Variants in COL4A4 observed in about 807,000 individuals in gnomAD.
The protein encoded by COL4A4 is collagen type IV alpha 4 chain.
Under a neutral mutation model 192.9 loss-of-function variants are expected in COL4A4, and 105 were observed. The observed-to-expected ratio is 0.54, with a 90% CI of 0.46 to 0.64. The LOEUF is 0.64. COL4A4 is among the 30% of genes least tolerant of loss of function. The pLI is 0.00. For synonymous variants in COL4A4, 762 were observed against 769.9 expected (o/e 0.99, Z 0.17); for missense variants, 1,967 against 2,169.3 (o/e 0.91, Z 1.85).
rs964220375 is a variant in COL4A4, at chr2:227,003,800, CAA to C, written c.*3523_*3524del. On this transcript the variant is annotated 3_prime_UTR_variant, in exon 48 of 48. Transcript: ENST00000396625. ...GAAGGGTCTTCTCAGTCGGATCTCTCAAATCTCATTTCTGAAATTTCTGTTTA... is the reference window on the plus strand; with the variant it reads ...GAAGGGTCTTCTCAGTCGGATCTCTCATCTCATTTCTGAAATTTCTGTTTA... The C allele has an allele frequency of 1.1e-4, 17 of 152,108 alleles. No individual in the cohort carries two copies. The highest frequency in any genetic ancestry group is 3.4e-4 in the African/African-American group (14 of 41,408). 9.4% of individuals were successfully genotyped at this position (152,108 alleles called of 1,614,324 possible).
chr2:227,001,270 A>ATTTT (rs1960897745), downstream of COL4A4, among the ~76,000 whole-genome samples: 1 of 151,612 alleles, frequency 6.6e-6, no homozygotes, highest in African/African-American at 2.4e-5. Context: ...AATTTTTTGT[A>ATTTT]TTTTTAGTAG....
At chr2:227,065,993 T>C (rs961052091) in intron 25 of COL4A4, among the ~76,000 whole-genome samples, 21 of 152,280 alleles carry the variant, frequency 1.4e-4, no homozygotes, top group South Asian at 4.1e-4. Context: ...TTTAGAAGAA[T>C]GTATAACTAT....
intron 1 of COL4A4, among the ~76,000 whole-genome samples, chr2:227,150,228 C>T (rs2063835857): frequency 6.6e-6 from 1 of 152,108 alleles, no homozygotes. Context: ...TGAGGGATAA[C>T]TGGCCTTGGG....
chr2:227,021,740 G>A (rs2149848629), intron 44 of COL4A4, among the ~76,000 whole-genome samples: 1 of 152,240 alleles, frequency 6.6e-6, no homozygotes, highest in African/African-American at 2.4e-5. Context: ...CAGGAGAATG[G>A]CGTGAACCTG....
Position 227,007,240 on chromosome 2 carries a change from A to G in COL4A4, c.*85T>C, listed in dbSNP as rs559304032. 2 of 1,579,954 alleles carry G rather than the reference A, an allele frequency of 1.3e-6. No individual in the cohort carries two copies. Among genetic ancestry groups the G allele is most frequent in the Admixed American group, 1.7e-5 (1 of 59,972 alleles). On this transcript the variant is annotated 3_prime_UTR_variant, in exon 48 of 48. Transcript: ENST00000396625. ...CACTGAAAGGGAGTCCAAAATGAGC[A>G]CCATGACATCTCTTAGCACAGTCTA...
chr2:226,982,517 C>T, the COL4A4 span, among the ~76,000 whole-genome samples: 38 of 152,208 alleles, frequency 2.5e-4, no homozygotes, highest in Admixed American at 2.0e-4. Context: ...AGATGTAATA[C>T]ATCTCATATC....
chr2:227,154,184 G>T (rs113728184), intron 1 of COL4A4, among the ~76,000 whole-genome samples: 2 of 152,102 alleles, frequency 1.3e-5, no homozygotes, highest in African/African-American at 4.8e-5. Flanking sequence ...ATTCCGTGAG[G>T]CTTTTTTCTC....
chr2:226,999,684 T>C (rs1390178046), downstream of COL4A4, among the ~76,000 whole-genome samples: 1 of 152,206 alleles, frequency 6.6e-6, no homozygotes, highest in African/African-American at 2.4e-5. Flanking sequence ...AATTTGGTCA[T>C]AATAGGTATT....
intron 25 of COL4A4, among the ~76,000 whole-genome samples, chr2:227,068,191 A>G (rs1315353085): frequency 1.3e-5 from 2 of 150,918 alleles, no homozygotes; most frequent in Non-Finnish European, 1.5e-5. Context: ...CTCTGAATAG[A>G]CCAATAACAG....
the COL4A4 span, among the ~76,000 whole-genome samples, chr2:226,989,483 C>T: frequency 6.6e-6 from 1 of 152,154 alleles, no homozygotes; most frequent in Non-Finnish European, 1.5e-5. Flanking sequence ...ATATTGGTCT[C>T]ACATGTCCAG....
In COL4A4 at chr2:227,033,473, C is replaced by T. The variant is rs1364773011; in HGVS notation, c.3514G>A (p.Gly1172Arg). 3.1e-6 allele frequency: 5 copies of T among 1,613,028 alleles called. No individual in the cohort carries two copies. The highest frequency in any genetic ancestry group is 4.2e-6 in the Non-Finnish European group (5 of 1,179,958). Reference sequence around the variant, plus strand: ...TGCAAGCCGTTCAGGCCAGGTGATCCGGAGGGACCTGAAAAACACCACAGG... The same window carrying T: ...TGCAAGCCGTTCAGGCCAGGTGATCTGGAGGGACCTGAAAAACACCACAGG... ...PGPPGIKGPS[G>R]SPGLNGLHGL... The change falls in exon 38 of 48, where the codon GGA becomes AGA. Residue 1172 changes from glycine to arginine, a missense_variant. By Grantham distance (125) the Gly-to-Arg change is moderately radical. Coordinates refer to ENST00000396625, the MANE Select transcript of COL4A4 (RefSeq NM_000092.5).
intron 44 of COL4A4, among the ~76,000 whole-genome samples, chr2:227,015,007 T>C (rs1964579836): frequency 6.6e-6 from 1 of 151,234 alleles, no homozygotes; most frequent in Non-Finnish European, 1.5e-5. Flanking sequence ...CAAGTGATTC[T>C]CCTGCCTCAG....
intron 25 of COL4A4, among the ~76,000 whole-genome samples, chr2:227,064,272 G>A (rs1264905664): frequency 6.6e-6 from 1 of 152,126 alleles, no homozygotes; most frequent in African/African-American, 2.4e-5. Context: ...ATTACAAAAT[G>A]CAGTGGAAAG....
At chr2:227,110,873 G>T (rs988367673) in intron 9 of COL4A4, among the ~76,000 whole-genome samples, 7 of 150,882 alleles carry the variant, frequency 4.6e-5, no homozygotes, top group Non-Finnish European at 1.0e-4. Context: ...GTAGATAGGG[G>T]CTTTCACCAT....
chr2:226,983,140 A>C, the COL4A4 span, among the ~76,000 whole-genome samples: 5 of 152,154 alleles, frequency 3.3e-5, no homozygotes, highest in African/African-American at 1.2e-4. Flanking sequence ...AGTTTCTCAA[A>C]GTGGGGCATG....
chr2:226,983,161 G>T, the COL4A4 span, among the ~76,000 whole-genome samples: 1 of 152,128 alleles, frequency 6.6e-6, no homozygotes, highest in Admixed American at 6.5e-5. Context: ...TGGGCATCCA[G>T]CTCACTTGAG....
In COL4A4 at chr2:227,050,067, C is replaced by T. The variant is rs747167770; in HGVS notation, c.3214+1G>A. On this transcript the variant is annotated splice_donor_variant, in intron 34 of 47. Transcript: ENST00000396625. LOFTEE classifies it high-confidence loss of function. ...ATGGCTTCTGTATCTCCAAACCATACCTTTAGGTCCTCTTGCTCCATCAAT... is the reference window on the plus strand; with the variant it reads ...ATGGCTTCTGTATCTCCAAACCATATCTTTAGGTCCTCTTGCTCCATCAAT... 1.2e-6 allele frequency: 2 copies of T among 1,613,954 alleles called. No individual in the cohort carries two copies. Among genetic ancestry groups the T allele is most frequent in the Non-Finnish European group, 1.7e-6 (2 of 1,179,824 alleles).
At chr2:226,971,441 T>C in the COL4A4 span, among the ~76,000 whole-genome samples, 1 of 152,198 alleles carries the variant, frequency 6.6e-6, no homozygotes, top group African/African-American at 2.4e-5. Flanking sequence ...CAAAGTGTGT[T>C]CCTCCCCATT....
At chr2:226,988,658 A>G in the COL4A4 span, 1 of 985,102 alleles carries the variant, frequency 1.0e-6, no homozygotes, top group South Asian at 4.7e-5. Flanking sequence ...GGAAGGTAGG[A>G]TTTTAATATT....
Sources: allele counts gnomAD v4.1 joint callset (sites outside exome capture counted in the v4.1 genomes callset), GRCh38; gene constraint gnomAD v4.1.1; transcripts MANE v1.5; gene names NCBI Gene and HGNC (gene_info 2026-07-23, HGNC 2026-07-21).